SCOC: variants seen among roughly 807,000 people sequenced by gnomAD.
SCOC encodes short coiled-coil protein, also known as short coiled coil protein.
In SCOC, 7 loss-of-function variants were observed where a neutral mutation model predicts 9.9. That is an observed-to-expected ratio of 0.71 (90% CI 0.40 to 1.33). The LOEUF (loss-of-function observed/expected upper bound fraction) is 1.33. Ranked by LOEUF, SCOC falls within the 40% of genes most tolerant of loss-of-function variation. The pLI is 0.01. For missense variants in SCOC, 66 were observed against 89.7 expected (o/e 0.74, Z 1.07); for synonymous variants, 19 against 28.2 (o/e 0.67, Z 1.03).
intron 2 of SCOC, among the ~76,000 whole-genome samples, chr4:140,362,301 T>TCCTTCTTCTTC: frequency 3.4e-5 from 1 of 29,410 alleles, no homozygotes. Flanking sequence ...TTCTTCTTCT[T>TCCTTCTTCTTC]TTTTTTTTTT....
chr4:140,298,063 A>G (rs946534976), intron 1 of SCOC, among the ~76,000 whole-genome samples: 11 of 151,646 alleles, frequency 7.3e-5, no homozygotes, highest in African/African-American at 2.7e-4. Flanking sequence ...TTGCATTTAC[A>G]TTTGGAGGCT....
chr4:140,347,554 C>G (rs1726791284), intron 2 of SCOC, among the ~76,000 whole-genome samples: 1 of 152,152 alleles, frequency 6.6e-6, no homozygotes, highest in African/African-American at 2.4e-5. Flanking sequence ...CAGCGTTTCC[C>G]TAAGACTCTG....
intron 1 of SCOC, among the ~76,000 whole-genome samples, chr4:140,311,530 G>A (rs932064478): frequency 3.9e-5 from 6 of 152,042 alleles, no homozygotes; most frequent in Non-Finnish European, 7.4e-5. Context: ...TGGAGATGAG[G>A]ACCCCACACC....
chr4:140,355,144 T>C (rs1291047092), intron 2 of SCOC, among the ~76,000 whole-genome samples: 2 of 150,524 alleles, frequency 1.3e-5, no homozygotes, highest in African/African-American at 4.9e-5. Context: ...TGCCAGCGAA[T>C]ATAAAGCAGG....
upstream of SCOC, among the ~76,000 whole-genome samples, chr4:140,370,407 T>G (rs547422926): frequency 6.6e-6 from 1 of 152,342 alleles, no homozygotes; most frequent in African/African-American, 2.4e-5. Flanking sequence ...GTCTTCTATA[T>G]CAATAGTTCA....
chr4:140,344,908 T>A (rs1726662128), intron 2 of SCOC, among the ~76,000 whole-genome samples: 2 of 152,094 alleles, frequency 1.3e-5, no homozygotes, highest in African/African-American at 4.8e-5. Flanking sequence ...GCCCAGAATT[T>A]TTTTCTGCAT....
upstream of SCOC, chr4:140,373,303 T>A: frequency 7.2e-7 from 1 of 1,384,914 alleles, no homozygotes; most frequent in Admixed American, 3.2e-5. Context: ...TACCAGCCTC[T>A]TTCCTGATTT....
Position 140,297,277 on chromosome 4 carries a change from G to C in SCOC, c.-19+39867G>C, listed in dbSNP as rs1033195734. 1.9e-4 allele frequency among the ~76,000 whole-genome samples: 29 copies of C among 151,864 alleles called. 1 individual carries two copies. The highest frequency in any genetic ancestry group is 1.7e-3 in the East Asian group (9 of 5,158). On this transcript the variant is annotated intron_variant, in intron 1 of 4. Coordinates refer to the SCOC transcript ENST00000394205. ...GAGCATTCTGGTGACTGTGGGGGGG[G>C]GGGCACTGTTGTCAGTATCTGCTGC...
chr4:140,348,582 A>G (rs1578838689), intron 2 of SCOC, among the ~76,000 whole-genome samples: 1 of 152,116 alleles, frequency 6.6e-6, no homozygotes, highest in African/African-American at 2.4e-5. Context: ...ATATACGCAC[A>G]CACACACACA....
intron 1 of SCOC, among the ~76,000 whole-genome samples, chr4:140,266,377 G>T (rs1730728739): frequency 6.6e-6 from 1 of 152,118 alleles, no homozygotes. Flanking sequence ...GCAGATCAGG[G>T]TGCTAGTATG....
intron 1 of SCOC, among the ~76,000 whole-genome samples, chr4:140,295,338 A>C (rs1402917945): frequency 6.6e-6 from 1 of 152,172 alleles, no homozygotes; most frequent in East Asian, 1.9e-4. Flanking sequence ...GGTTAAAAAA[A>C]AAATCTCAGA....
chr4:140,376,242 C>G (rs538604683), intron 1 of SCOC, among the ~76,000 whole-genome samples: 4 of 152,196 alleles, frequency 2.6e-5, no homozygotes, highest in Non-Finnish European at 5.9e-5. Context: ...TCTTTTGATC[C>G]CATATGTCAA....
upstream of SCOC, chr4:140,369,344 C>A: frequency 5.1e-6 from 2 of 394,808 alleles, no homozygotes; most frequent in Non-Finnish European, 1.0e-5. Flanking sequence ...CCAATGAATT[C>A]AATAACCTTT....
At position 140,382,038 on chromosome 4, in the gene SCOC, T is replaced by C. The variant is rs1053071690; in HGVS notation, c.*934T>C. 1.3e-5 allele frequency: 2 copies of C among 152,194 alleles called. No individual in the cohort carries two copies. The highest frequency in any genetic ancestry group is 2.9e-5 in the Non-Finnish European group (2 of 68,024). The allele number at this position is 152,194 out of a possible 1,614,324, so 9.4% of individuals were successfully genotyped here. A position where few individuals can be genotyped will look rare whatever the true frequency, so the allele number is the denominator to read the frequency against. The stretch of plus-strand genomic sequence containing the variant: ...TACCCTTATGTTAGCCACATCTGGA[T>C]GAGAACAGTTACAAAGAGTTTGGTC... On this transcript the variant is annotated 3_prime_UTR_variant, in exon 4 of 4. Coordinates refer to ENST00000608372, the MANE Select transcript of SCOC (RefSeq NM_001153484.2).
chr4:140,373,777 G>C, intron 1 of SCOC, 60 bp downstream of exon 1: 1 of 1,487,482 alleles, frequency 6.7e-7, no homozygotes, highest in Non-Finnish European at 9.1e-7. Flanking sequence ...TGCATCCTCA[G>C]TACCTCCGAG....
At chr4:140,262,780 C>A (rs769950472) in intron 1 of SCOC, among the ~76,000 whole-genome samples, 1 of 151,170 alleles carries the variant, frequency 6.6e-6, no homozygotes. Flanking sequence ...GGCGGAGGGG[C>A]GAAGGGGAAG....
Position 140,385,378 on chromosome 4 carries a change from T to C in SCOC, c.*4274T>C, listed in dbSNP as rs146941018. ...AAGTAGGATAAAGAAAGACTACATA[T>C]GTACATAAAACCTTGCCGGGGAAGT... is the stretch of plus-strand genomic sequence containing the variant. On this transcript the variant is annotated 3_prime_UTR_variant, in exon 4 of 4. Transcript: ENST00000608372. 14 of 152,322 alleles carry C rather than the reference T, an allele frequency of 9.2e-5. No homozygotes were observed. The East Asian group carries it at 2.3e-3, about 25-fold the overall frequency. The allele number at this position is 152,322 out of a possible 1,614,324, so 9.4% of individuals were successfully genotyped here. A position where few individuals can be genotyped will look rare whatever the true frequency, so the allele number is the denominator to read the frequency against.
In SCOC at chr4:140,362,273, C is replaced by CTCTT; in HGVS notation, c.71-16848_71-16847insTCTT. On this transcript the variant is annotated intron_variant, in intron 2 of 4. Transcript: ENST00000338517. ...AAAGACCGGCTAAAGACAGGTGTGT[C>CTCTT]CTTACTTCTTCTTCTTCTTCTTCTT... 5.5e-4 allele frequency among the ~76,000 whole-genome samples: 16 copies of CTCTT among 29,088 alleles called. 3 individuals are homozygous for CTCTT. The highest frequency in any genetic ancestry group is 9.8e-4 in the Non-Finnish European group (13 of 13,228). 19.1% of individuals were successfully genotyped at this position (29,088 alleles called of 152,430 possible).
chr4:140,374,524 A>G (rs1728246985), intron 1 of SCOC, among the ~76,000 whole-genome samples: 1 of 152,200 alleles, frequency 6.6e-6, no homozygotes, highest in South Asian at 2.1e-4. Context: ...TTGGCCAAAC[A>G]GTTCCTTGAT....
Sources: gnomAD v4.1 joint callset for allele counts (sites outside exome capture counted in the v4.1 genomes callset) on GRCh38, gnomAD v4.1.1 for gene constraint, MANE v1.5 for transcripts, NCBI Gene and HGNC (gene_info 2026-07-23, HGNC 2026-07-21) for gene names.